PGR: variants seen among roughly 807,000 people sequenced by gnomAD.
PGR encodes nuclear receptor subfamily 3 group C member 3.
In PGR, 25 loss-of-function variants were observed where a neutral mutation model predicts 76.1. The observed-to-expected ratio is 0.33, with a 90% CI of 0.24 to 0.46. The LOEUF is 0.46. Ranked by LOEUF, PGR falls within the 20% of genes least tolerant of loss-of-function variation. The pLI is 1.00. For synonymous variants in PGR, 579 were observed against 535.0 expected (o/e 1.08, Z -1.14); for missense variants, 1,172 against 1,225.3 (o/e 0.96, Z 0.65).
chr11:101,042,400 A>C (rs1470021370), intron 6 of PGR, among the ~76,000 whole-genome samples: 1 of 152,070 alleles, frequency 6.6e-6, no homozygotes, highest in African/African-American at 2.4e-5. Context: ...TCAAAAGAGA[A>C]CCTGGCCTTA....
chr11:101,044,944 T>G (rs1050535115), intron 6 of PGR, among the ~76,000 whole-genome samples: 59 of 152,122 alleles, frequency 3.9e-4, no homozygotes, highest in Admixed American at 7.2e-4. Context: ...TCACCTCAAG[T>G]GATTCGCCCA....
chr11:101,062,904 C>T (rs1860567080), intron 3 of PGR, 152 bp from the exon 4 acceptor site: 2 of 568,274 alleles, frequency 3.5e-6, no homozygotes, highest in Non-Finnish European at 3.0e-6. Flanking sequence ...ATTAAAATTA[C>T]AAAAAATAAA....
chr11:101,128,891 G>A lies in PGR; in HGVS notation c.180C>T (p.Phe60=), dbSNP rs766325513. The A allele has an allele frequency of 2.5e-5, 40 of 1,613,946 alleles. No individual in the cohort carries two copies. In the South Asian group the frequency reaches 4.1e-4, roughly 16 times the overall value. Residue 60 remains phenylalanine, a synonymous_variant, in exon 1 of 8, where the codon TTC becomes TTT. Transcript: ENST00000325455. ...AIPISLDGLL[F]PRPCQGQDPS... is the part of the protein sequence containing the mutation. ...GGTCCTGTCCCTGGCAGGGCCGAGG[G>A]AAGAGTAGCCCGTCCAGGGAGATAG...
At position 101,129,770 on chromosome 11, in the gene PGR, A is replaced by G. The variant is rs518162; in HGVS notation, c.-700T>C. On this transcript the variant is annotated 5_prime_UTR_variant, in exon 1 of 8. Coordinates refer to ENST00000325455, the MANE Select transcript of PGR (RefSeq NM_000926.4). ...CTCATTGAGAATGCCACCCACACGC[A>G]CAAATACAACAAGGCTTACCCCGAT... 0.87 allele frequency: 156,105 copies of G among 178,728 alleles called. 69,008 individuals are homozygous for G. The highest frequency in any genetic ancestry group is 0.99 in the East Asian group (10,582 of 10,732). The allele number at this position is 178,728 out of a possible 1,614,324, so 11.1% of individuals were successfully genotyped here. A position where few individuals can be genotyped will look rare whatever the true frequency, so the allele number is the denominator to read the frequency against.
At chr11:101,069,634 A>G (rs1010881578) in intron 3 of PGR, among the ~76,000 whole-genome samples, 4 of 152,230 alleles carry the variant, frequency 2.6e-5, no homozygotes, top group Non-Finnish European at 5.9e-5. Context: ...GAGAGACTGG[A>G]TAAAGAAAAT....
chr11:101,046,774 T>TAG (rs1170772432), intron 6 of PGR, among the ~76,000 whole-genome samples: 2 of 152,118 alleles, frequency 1.3e-5, no homozygotes, highest in Non-Finnish European at 2.9e-5. Flanking sequence ...TTTCTTAACA[T>TAG]TTATTTGTTT....
At chr11:101,058,515 G>C (rs919674102) in intron 4 of PGR, among the ~76,000 whole-genome samples, 1 of 152,194 alleles carries the variant, frequency 6.6e-6, no homozygotes, top group Non-Finnish European at 1.5e-5. Flanking sequence ...ACTGATAATT[G>C]CAAGTAGTCT....
chr11:101,046,107 ATTTATT>A (rs1439375697), intron 6 of PGR, among the ~76,000 whole-genome samples: 1 of 135,228 alleles, frequency 7.4e-6, no homozygotes, highest in African/African-American at 3.0e-5. Flanking sequence ...AGTGTAATTT[ATTTATT>A]TTTATTTATT....
intron 3 of PGR, among the ~76,000 whole-genome samples, chr11:101,070,313 T>C (rs923827237): frequency 3.9e-5 from 6 of 152,206 alleles, no homozygotes; most frequent in African/African-American, 1.4e-4. Context: ...GCTTTCCCCA[T>C]GGTCTTTGCA....
intron 6 of PGR, among the ~76,000 whole-genome samples, chr11:101,046,292 A>ATTTTTTT (rs540943297): frequency 6.0e-5 from 4 of 66,294 alleles, no homozygotes; most frequent in African/African-American, 1.5e-4. Context: ...CGCCTGGCTA[A>ATTTTTTT]TTTTTTTTTT....
intron 4 of PGR, among the ~76,000 whole-genome samples, chr11:101,055,115 A>G (rs1353911244): frequency 6.6e-6 from 1 of 152,048 alleles, no homozygotes; most frequent in East Asian, 1.9e-4. Flanking sequence ...TATATATTTC[A>G]TATAATACAA....
At chr11:101,067,097 C>T (rs1432607388) in intron 3 of PGR, among the ~76,000 whole-genome samples, 7 of 152,140 alleles carry the variant, frequency 4.6e-5, no homozygotes. Flanking sequence ...CCTCATGCTC[C>T]ACCCATATTG....
At chr11:101,119,591 G>A (rs1384073991) in intron 2 of PGR, among the ~76,000 whole-genome samples, 1 of 152,108 alleles carries the variant, frequency 6.6e-6, no homozygotes, top group Admixed American at 6.6e-5. Flanking sequence ...ATACTTGATT[G>A]AGATCTAAGG....
intron 4 of PGR, among the ~76,000 whole-genome samples, chr11:101,059,863 A>AAAAAAAAAAAG (rs1565337616): frequency 2.8e-5 from 4 of 141,264 alleles, no homozygotes; most frequent in Non-Finnish European, 4.7e-5. Flanking sequence ...AAAAAAAAAG[A>AAAAAAAAAAAG]AAAAAAAGAA....
intron 3 of PGR, among the ~76,000 whole-genome samples, chr11:101,072,394 C>T (rs571422643): frequency 3.7e-4 from 57 of 152,192 alleles, no homozygotes; most frequent in African/African-American, 1.3e-3. Context: ...TAAAGACCAT[C>T]GATGCTAGGA....
intron 3 of PGR, among the ~76,000 whole-genome samples, chr11:101,070,463 C>T (rs1224553258): frequency 6.6e-6 from 1 of 152,150 alleles, no homozygotes; most frequent in African/African-American, 2.4e-5. Context: ...CCTGGAATGC[C>T]AGTGAGACAG....
At chr11:101,066,273 C>G (rs1335287447) in intron 3 of PGR, among the ~76,000 whole-genome samples, 3 of 152,210 alleles carry the variant, frequency 2.0e-5, no homozygotes, top group African/African-American at 4.8e-5. Context: ...AATTCTCAGT[C>G]CTGGTCTTAA....
At position 101,032,620 on chromosome 11, in the gene PGR, T is replaced by C. The variant is rs1187006739; in HGVS notation, c.*6496A>G. The C allele has an allele frequency of 4.4e-6, 1 of 225,298 alleles. No homozygotes were observed. Among genetic ancestry groups the C allele is most frequent in the Non-Finnish European group, 8.8e-6 (1 of 113,098 alleles). 14.0% of individuals were successfully genotyped at this position (225,298 alleles called of 1,614,324 possible). ...CTTTGGCATCTCCTCACCACGCACG[T>C]TCTGCTAATTCCTAAACTGCTTATA... On this transcript the variant is annotated 3_prime_UTR_variant, in exon 8 of 8. Coordinates refer to ENST00000325455, the MANE Select transcript of PGR (RefSeq NM_000926.4).
chr11:101,047,429 T>C (rs1859929170), intron 6 of PGR, among the ~76,000 whole-genome samples: 1 of 152,140 alleles, frequency 6.6e-6, no homozygotes, highest in Admixed American at 6.6e-5. Context: ...TCCACGTAAA[T>C]ATCCTTTGTT....
Sources: allele counts gnomAD v4.1 joint callset (sites outside exome capture counted in the v4.1 genomes callset), GRCh38; gene constraint gnomAD v4.1.1; transcripts MANE v1.5; gene names NCBI Gene and HGNC (gene_info 2026-07-23, HGNC 2026-07-21).